Variants in CYBA observed in about 807,000 individuals in gnomAD.
CYBA encodes cytochrome b-245 alpha chain, also known as cytochrome b-245 light chain.
In CYBA, 21 loss-of-function variants were observed where a neutral mutation model predicts 20.8. The ratio of observed to expected loss-of-function variants is 1.01; its 90% CI spans 0.72 to 1.46. The LOEUF (loss-of-function observed/expected upper bound fraction) is 1.46. Ranked by LOEUF, CYBA falls within the 40% of genes most tolerant of loss-of-function variation. The pLI is 0.00. For synonymous variants in CYBA, 164 were observed against 127.5 expected (o/e 1.29, Z -1.93); for missense variants, 344 against 287.0 (o/e 1.20, Z -1.43).
chr16:88,650,514 C>T lies in CYBA; in HGVS notation c.58+442G>A, dbSNP rs777741822. ...CTGAGCCCCAGGGCATGAGCCCATT[C>T]CCCACCCCAAGCCCAGGGAGAGCGA... On this transcript the variant is annotated intron_variant, in intron 1 of 5. Coordinates refer to ENST00000261623, the MANE Select transcript of CYBA (RefSeq NM_000101.4). The T allele has an allele frequency of 5.5e-5, 26 of 473,794 alleles. 1 individual carries two copies. Among genetic ancestry groups the T allele is most frequent in the South Asian group, 3.7e-4 (24 of 64,724 alleles). 29.3% of individuals were successfully genotyped at this position (473,794 alleles called of 1,614,324 possible).
rs558301653 is a variant in CYBA, at chr16:88,643,794, G to A, written c.370-223C>T. Among the ~76,000 whole-genome samples the A allele has an allele frequency of 1.6e-4, 25 of 152,368 alleles. No homozygotes were observed. In the East Asian group the frequency reaches 2.5e-3, roughly 15 times the overall value. ...AGCCCAAGCTATTTCTTCATGCCAGGAGTGGGGCCCGAACCCCTGGGCTTC... is the reference window on the plus strand; with the variant it reads ...AGCCCAAGCTATTTCTTCATGCCAGAAGTGGGGCCCGAACCCCTGGGCTTC... On this transcript the variant is annotated intron_variant, in intron 5 of 5. Coordinates refer to ENST00000261623, the MANE Select transcript of CYBA (RefSeq NM_000101.4). The surrounding 1 kb of genome is among the most constrained non-coding windows in gnomAD (Gnocchi z 4.3).
chr16:88,643,488 C>T lies in CYBA; in HGVS notation c.453G>A (p.Pro151=), dbSNP rs113033082. The change falls in exon 6 of 6, where the codon CCG becomes CCA. Residue 151 remains proline (P), a synonymous_variant. Transcript: ENST00000261623. This position sits in a 1 kb window ranked among gnomAD's most constrained non-coding sequence, Gnocchi z 4.3. ...RPQIGGTIKQ[P]PSNPPPRPPA... Reference sequence around the variant, plus strand: ...GGGGCCGCGGCGGGGGGTTGCTGGGCGGCTGCTTGATGGTGCCTCCGATCT... The same window carrying T: ...GGGGCCGCGGCGGGGGGTTGCTGGGTGGCTGCTTGATGGTGCCTCCGATCT... 19 of 1,532,874 alleles carry T rather than the reference C, an allele frequency of 1.2e-5. No individual in the cohort carries two copies. The highest frequency in any genetic ancestry group is 2.4e-5 in the South Asian group (2 of 83,792). The allele number at this position is 1,532,874 out of a possible 1,614,324, so 95.0% of individuals were successfully genotyped here. A position where few individuals can be genotyped will look rare whatever the true frequency, so the allele number is the denominator to read the frequency against.
At position 88,643,331 on chromosome 16, in the gene CYBA, G is replaced by A; in HGVS notation, c.*22C>T. 2.0e-6 allele frequency: 3 copies of A among 1,476,358 alleles called. No individual in the cohort carries two copies. The highest frequency in any genetic ancestry group is 2.7e-5 in the East Asian group (1 of 37,700). 91.5% of individuals were successfully genotyped at this position (1,476,358 alleles called of 1,614,324 possible). On this transcript the variant is annotated 3_prime_UTR_variant, in exon 6 of 6. Transcript: ENST00000261623. The surrounding 1 kb of genome is among the most constrained non-coding windows in gnomAD (Gnocchi z 4.3). Reference sequence around the variant, plus strand: ...TTATTGCAGGTGGGTGCACCTGGCGGGAGGGCAGGTCCGGGGCGAGGTCAC... The same window carrying A: ...TTATTGCAGGTGGGTGCACCTGGCGAGAGGGCAGGTCCGGGGCGAGGTCAC...
At chr16:88,647,009 C>A (rs1907311838) in intron 3 of CYBA, 92 bp downstream of exon 3, 5 of 1,313,868 alleles carry the variant, frequency 3.8e-6, no homozygotes, top group Non-Finnish European at 5.4e-6. Flanking sequence ...GTTCCGGAGC[C>A]TCCAAGTGAG....
At position 88,643,570 on chromosome 16, in the gene CYBA, G is replaced by A. The variant is rs179363894; in HGVS notation, c.371C>T (p.Ala124Val). 17 of 1,532,412 alleles carry A rather than the reference G, an allele frequency of 1.1e-5. No homozygotes were observed. Among genetic ancestry groups the A allele is most frequent in the Middle Eastern group, 2.3e-4 (1 of 4,368 alleles). 94.9% of individuals were successfully genotyped at this position (1,532,412 alleles called of 1,614,324 possible). A position where few individuals can be genotyped will look rare whatever the true frequency, so the allele number is the denominator to read the frequency against. ...CGTCCACTGCTCGCCACGCACAGCC[G>A]CCTGCGGGGCACTGAAGGGTTGAGC... ...LAIASGIYLL[A>V]AVRGEQWTPI... Residue 124 changes from alanine to valine, a missense_variant and splice_region_variant, in exon 6 of 6, where the codon GCG (alanine) becomes GTG (valine). Physicochemically the swap from Ala to Val is moderately conservative, Grantham distance 64 (BLOSUM62 0). Transcript: ENST00000261623. The surrounding 1 kb of genome is among the most constrained non-coding windows in gnomAD (Gnocchi z 4.3).
At chr16:88,650,635 A>G (rs1907483205) in intron 1 of CYBA, 2 of 545,064 alleles carry the variant, frequency 3.7e-6, no homozygotes, top group East Asian at 7.4e-5. Flanking sequence ...GACCCCGGAA[A>G]CCACCGGGGC....
Position 88,647,105 on chromosome 16 carries a change from G to A in CYBA, c.199C>T (p.Arg67Cys), listed in dbSNP as rs765388584. The change falls in exon 3 of 6, where the codon CGC (arginine) becomes TGC (cysteine). Residue 67 changes from arginine to cysteine, a missense_variant. Arg to Cys is a radical substitution (Grantham distance 180, BLOSUM62 -3). Coordinates refer to ENST00000261623, the MANE Select transcript of CYBA (RefSeq NM_000101.4). ...CCAGAGCAGGAGGAGACTCACCAGC[G>A]CTCCATGGTGGAGCCCTTCTTCCTC... ...GKRKKGSTME[R>C]WGQKYMTAVV... 9.3e-6 allele frequency: 15 copies of A among 1,610,602 alleles called. No individual in the cohort carries two copies. The highest frequency in any genetic ancestry group is 1.1e-5 in the Non-Finnish European group (13 of 1,179,432).
chr16:88,645,710 C>T (rs564695553), intron 5 of CYBA: 39 of 550,848 alleles, frequency 7.1e-5, no homozygotes, highest in Non-Finnish European at 1.2e-4. Context: ...GTCCTGGCAC[C>T]GCCCATGAAT....
At chr16:88,648,226 A>G in intron 1 of CYBA, 112 bp from the exon 2 acceptor site, 1 of 954,870 alleles carries the variant, frequency 1.0e-6, no homozygotes, top group Non-Finnish European at 1.6e-6. Flanking sequence ...CCCCCTACCC[A>G]TCCCCACAGC....
Position 88,647,104 on chromosome 16 carries a change from C to A in CYBA, c.200G>T (p.Arg67Leu). 6.2e-7 allele frequency: 1 copy of A among 1,609,676 alleles called. No homozygotes were observed. Among genetic ancestry groups the A allele is most frequent in the Non-Finnish European group, 8.5e-7 (1 of 1,178,668 alleles). The change falls in exon 3 of 6, where the codon CGC becomes CTC. Residue 67 changes from arginine to leucine, a missense_variant. Arg to Leu is a moderately radical substitution (Grantham distance 102). Coordinates refer to ENST00000261623, the MANE Select transcript of CYBA (RefSeq NM_000101.4). Reference sequence around the variant, plus strand: ...CCCAGAGCAGGAGGAGACTCACCAGCGCTCCATGGTGGAGCCCTTCTTCCT... The same window carrying A: ...CCCAGAGCAGGAGGAGACTCACCAGAGCTCCATGGTGGAGCCCTTCTTCCT... ...GKRKKGSTMERWGQKYMTAVV... is the reference protein window; with the variant it reads ...GKRKKGSTMELWGQKYMTAVV...
chr16:88,649,054 C>T (rs1368009900), intron 1 of CYBA, among the ~76,000 whole-genome samples: 1 of 151,644 alleles, frequency 6.6e-6, no homozygotes, highest in East Asian at 1.9e-4. Context: ...TCTCCTGCCT[C>T]AGCCTCCCGA....
At chr16:88,646,476 C>A in intron 4 of CYBA, 3 of 697,224 alleles carry the variant, frequency 4.3e-6, no homozygotes, top group Non-Finnish European at 7.8e-6. Context: ...ACCCTCCACC[C>A]TACCAGGAAG....
rs756327700 is a variant in CYBA, at chr16:88,643,344, G to A, written c.*9C>T. Reference sequence around the variant, plus strand: ...GTGCACCTGGCGGGAGGGCAGGTCCGGGGCGAGGTCACACGACCTCGTCGG... The same window carrying A: ...GTGCACCTGGCGGGAGGGCAGGTCCAGGGCGAGGTCACACGACCTCGTCGG... On this transcript the variant is annotated 3_prime_UTR_variant, in exon 6 of 6. Coordinates refer to ENST00000261623, the MANE Select transcript of CYBA (RefSeq NM_000101.4). The surrounding 1 kb of genome is among the most constrained non-coding windows in gnomAD (Gnocchi z 4.3). The A allele has an allele frequency of 2.6e-4, 399 of 1,508,212 alleles. No homozygotes were observed. The highest frequency in any genetic ancestry group is 3.7e-4 in the Middle Eastern group (2 of 5,442). The allele number at this position is 1,508,212 out of a possible 1,614,324, so 93.4% of individuals were successfully genotyped here. A position where few individuals can be genotyped will look rare whatever the true frequency, so the allele number is the denominator to read the frequency against.
chr16:88,647,285 G>C lies in CYBA; in HGVS notation c.129-110C>G, dbSNP rs1043040959. ...GCCCGAGCACGGTGGCTCATGCCTG[G>C]AATCCCAGCATTTTGGGAGGCTGAG... On this transcript the variant is annotated intron_variant, in intron 2 of 5. Transcript: ENST00000261623. 4 of 1,053,744 alleles carry C rather than the reference G, an allele frequency of 3.8e-6. No homozygotes were observed. The Admixed American group carries it at 5.9e-5, about 16-fold the overall frequency. 65.3% of individuals were successfully genotyped at this position (1,053,744 alleles called of 1,614,324 possible). A position where few individuals can be genotyped will look rare whatever the true frequency, so the allele number is the denominator to read the frequency against.
chr16:88,643,460 C>A lies in CYBA; in HGVS notation c.481G>T (p.Ala161Ser). ...TCGCTGGGCTTCTTGCGGGCCTCGG[C>A]CGGGGGCCGCGGCGGGGGGTTGCTG... Reference protein sequence around the residue: ...PPSNPPPRPPAEARKKPSEEE... With the variant: ...PPSNPPPRPPSEARKKPSEEE... The change falls in exon 6 of 6, where the codon GCC (alanine) becomes TCC (serine). Residue 161 changes from alanine (A) to serine (S), a missense_variant. Ala to Ser is a moderately conservative substitution (Grantham distance 99). Transcript: ENST00000261623. This position sits in a 1 kb window ranked among gnomAD's most constrained non-coding sequence, Gnocchi z 4.3. 1 of 1,533,024 alleles carries A rather than the reference C, an allele frequency of 6.5e-7. No individual in the cohort carries two copies. The highest frequency in any genetic ancestry group is 8.7e-7 in the Non-Finnish European group (1 of 1,144,068). 95.0% of individuals were successfully genotyped at this position (1,533,024 alleles called of 1,614,324 possible).
chr16:88,644,090 C>T (rs564638417), intron 5 of CYBA, among the ~76,000 whole-genome samples: 1 of 152,350 alleles, frequency 6.6e-6, no homozygotes, highest in East Asian at 1.9e-4. Context: ...ACTAAAAATA[C>T]AGACTCCTGG....
At chr16:88,650,635 A>C in intron 1 of CYBA, 1 of 545,062 alleles carries the variant, frequency 1.8e-6, no homozygotes, top group Non-Finnish European at 3.5e-6. Context: ...GACCCCGGAA[A>C]CCACCGGGGC....
intron 5 of CYBA, among the ~76,000 whole-genome samples, chr16:88,644,468 C>T (rs1331135057): frequency 6.6e-6 from 1 of 152,226 alleles, no homozygotes; most frequent in African/African-American, 2.4e-5. Flanking sequence ...AAGGCATCCC[C>T]AGTGTTTAAA....
At chr16:88,644,144 G>A (rs966284200) in intron 5 of CYBA, among the ~76,000 whole-genome samples, 5 of 152,242 alleles carry the variant, frequency 3.3e-5, no homozygotes, top group African/African-American at 1.2e-4. Flanking sequence ...AGTGGACCTG[G>A]GAGTGTGTGC....
Sources: allele counts gnomAD v4.1 joint callset (sites outside exome capture counted in the v4.1 genomes callset), GRCh38; gene constraint gnomAD v4.1.1; non-coding constraint Gnocchi (gnomAD v3.1); transcripts MANE v1.5; gene names NCBI Gene and HGNC (gene_info 2026-07-23, HGNC 2026-07-21).